STAG1: variants seen among roughly 807,000 people sequenced by gnomAD.
The protein encoded by STAG1 is cohesin subunit SA-1.
Under a neutral mutation model 170.9 loss-of-function variants are expected in STAG1, and 26 were observed. The observed-to-expected ratio is 0.15, with a 90% CI of 0.11 to 0.21. The LOEUF is 0.21. Among genes scored for constraint, STAG1 ranks in the 10% least tolerant of loss-of-function variants. STAG1 has a pLI of 1.00. For missense variants in STAG1, 964 were observed against 1,509.5 expected (o/e 0.64, Z 5.99); for synonymous variants, 514 against 497.7 (o/e 1.03, Z -0.44).
intron 12 of STAG1, among the ~76,000 whole-genome samples, chr3:136,468,723 C>T (rs1039457774): frequency 1.6e-4 from 25 of 152,114 alleles, no homozygotes; most frequent in Admixed American, 1.4e-3. Context: ...TGAACATTCA[C>T]GCAAATATCC....
chr3:136,687,553 G>T (rs1378674417), intron 1 of STAG1, among the ~76,000 whole-genome samples: 1 of 151,830 alleles, frequency 6.6e-6, no homozygotes, highest in African/African-American at 2.4e-5. Flanking sequence ...CTGAATAGTT[G>T]CACTGGGAAC....
chr3:136,638,402 T>G (rs532378142), intron 1 of STAG1, among the ~76,000 whole-genome samples: 1 of 152,306 alleles, frequency 6.6e-6, no homozygotes, highest in South Asian at 2.1e-4. Flanking sequence ...CCCAAAGTGC[T>G]GGGATTACAG....
chr3:136,431,717 G>T (rs935917461), intron 16 of STAG1, among the ~76,000 whole-genome samples: 1 of 152,258 alleles, frequency 6.6e-6, no homozygotes, highest in African/African-American at 2.4e-5. Flanking sequence ...TGGCCATTTT[G>T]TTGACTTTCA....
At chr3:136,656,991 T>C (rs1576723637) in intron 1 of STAG1, among the ~76,000 whole-genome samples, 2 of 151,772 alleles carry the variant, frequency 1.3e-5, no homozygotes, top group South Asian at 2.1e-4. Context: ...TTATCCACTC[T>C]GAACTACTTT....
At chr3:136,478,865 G>A (rs886330953) in intron 9 of STAG1, among the ~76,000 whole-genome samples, 1 of 151,992 alleles carries the variant, frequency 6.6e-6, no homozygotes, top group African/African-American at 2.4e-5. Context: ...TCAAATCCTG[G>A]TTCTGCTATT....
chr3:136,616,779 T>C (rs1317322177), intron 3 of STAG1, among the ~76,000 whole-genome samples: 6 of 152,010 alleles, frequency 3.9e-5, no homozygotes, highest in African/African-American at 1.4e-4. Flanking sequence ...ATGACTGTAG[T>C]CCCACTCCAA....
At chr3:136,723,936 G>C (rs1174899128) in intron 1 of STAG1, among the ~76,000 whole-genome samples, 6 of 148,162 alleles carry the variant, frequency 4.0e-5, no homozygotes, top group Non-Finnish European at 9.0e-5. Flanking sequence ...AGGTGGGGGG[G>C]TCAGCCCCCC....
rs1560049619 is a variant in STAG1, at chr3:136,349,153, C to CT, written c.3271+4dup. On this transcript the variant is annotated splice_donor_region_variant and intron_variant, in intron 29 of 33. Coordinates refer to ENST00000383202, the MANE Select transcript of STAG1 (RefSeq NM_005862.3). Reference sequence around the variant, plus strand: ...TTGTTTCTTATAGTGTAAAGGCAGACTTACCTTCTACTCGTTTTTTATGAA... The same window carrying CT: ...TTGTTTCTTATAGTGTAAAGGCAGACTTTACCTTCTACTCGTTTTTTATGAA... 29 of 1,611,012 alleles carry CT rather than the reference C, an allele frequency of 1.8e-5. No homozygotes were observed. The highest frequency in any genetic ancestry group is 2.5e-5 in the Non-Finnish European group (29 of 1,177,254).
At chr3:136,451,733 A>C (rs765659939) in intron 14 of STAG1, among the ~76,000 whole-genome samples, 8 of 152,050 alleles carry the variant, frequency 5.3e-5, no homozygotes, top group Non-Finnish European at 1.0e-4. Context: ...ACTGTACTCC[A>C]GCCTGGGTGA....
intron 13 of STAG1, among the ~76,000 whole-genome samples, chr3:136,463,768 T>TGTGTACAC (rs755853025): frequency 5.2e-5 from 2 of 38,590 alleles, no homozygotes; most frequent in South Asian, 9.7e-4. Flanking sequence ...TGTGTGTGTG[T>TGTGTACAC]ATACACACAC....
intron 16 of STAG1, among the ~76,000 whole-genome samples, chr3:136,426,361 G>C (rs966095460): frequency 1.2e-4 from 19 of 152,144 alleles, no homozygotes; most frequent in Non-Finnish European, 1.8e-4. Flanking sequence ...GCAGTGAGCC[G>C]AGATCGCGCC....
At chr3:136,600,929 C>G (rs1327641792) in intron 4 of STAG1, among the ~76,000 whole-genome samples, 1 of 151,926 alleles carries the variant, frequency 6.6e-6, no homozygotes, top group Non-Finnish European at 1.5e-5. Context: ...CTTCCTCTGT[C>G]GCCAAGGCTG....
At chr3:136,595,124 G>A (rs769074335) in intron 4 of STAG1, among the ~76,000 whole-genome samples, 5 of 152,090 alleles carry the variant, frequency 3.3e-5, no homozygotes, top group Non-Finnish European at 5.9e-5. Flanking sequence ...AATGCCAATG[G>A]ATTACAGAAA....
intron 22 of STAG1, among the ~76,000 whole-genome samples, chr3:136,395,477 C>A (rs1048166370): frequency 6.6e-6 from 1 of 151,848 alleles, no homozygotes; most frequent in South Asian, 2.1e-4. Flanking sequence ...ACAAAAAACC[C>A]GGGCATGGTG....
At chr3:136,524,051 T>G (rs1369331279) in intron 6 of STAG1, among the ~76,000 whole-genome samples, 2 of 152,142 alleles carry the variant, frequency 1.3e-5, no homozygotes, top group Non-Finnish European at 2.9e-5. Flanking sequence ...TTTGTTCTTT[T>G]GGCTTAGGAT....
chr3:136,618,367 T>G (rs1400677832), intron 3 of STAG1, among the ~76,000 whole-genome samples: 1 of 152,238 alleles, frequency 6.6e-6, no homozygotes, highest in Non-Finnish European at 1.5e-5. Context: ...CTTGTCCAAG[T>G]GTGCACTCAC....
At chr3:136,521,968 C>A (rs1934700568) in intron 6 of STAG1, among the ~76,000 whole-genome samples, 1 of 152,182 alleles carries the variant, frequency 6.6e-6, no homozygotes, top group Non-Finnish European at 1.5e-5. Flanking sequence ...ACTTCATACA[C>A]TGGACTGATT....
chr3:136,729,410 A>G (rs1454773665), intron 1 of STAG1, among the ~76,000 whole-genome samples: 1 of 152,108 alleles, frequency 6.6e-6, no homozygotes. Context: ...AAGAGAATTA[A>G]TTATATTCAA....
intron 1 of STAG1, among the ~76,000 whole-genome samples, chr3:136,666,780 A>AT (rs918008568): frequency 6.6e-6 from 1 of 151,510 alleles, no homozygotes; most frequent in Non-Finnish European, 1.5e-5. Context: ...AGATCACGCC[A>AT]TTGCACTCCA....
Sources: allele counts gnomAD v4.1 joint callset (sites outside exome capture counted in the v4.1 genomes callset), GRCh38; gene constraint gnomAD v4.1.1; transcripts MANE v1.5; gene names NCBI Gene and HGNC (gene_info 2026-07-23, HGNC 2026-07-21).